PRR11: variants seen among roughly 807,000 people sequenced by gnomAD.
PRR11 encodes proline rich 11, also known as proline-rich protein 11.
In PRR11, 30 loss-of-function variants were observed where a neutral mutation model predicts 45.6. The ratio of observed to expected loss-of-function variants is 0.66; its 90% CI spans 0.49 to 0.89. The LOEUF (loss-of-function observed/expected upper bound fraction) is 0.89, where lower values mean the gene tolerates loss of function less well. PRR11 is among the 40% of genes least tolerant of loss of function. The pLI, the probability that PRR11 is intolerant of heterozygous loss-of-function variation, is 0.00. For synonymous variants in PRR11, 128 were observed against 153.5 expected (o/e 0.83, Z 1.23); for missense variants, 373 against 424.8 (o/e 0.88, Z 1.07).
chr17:59,193,388 C>T, intron 4 of PRR11, 104 bp from the exon 5 acceptor site: 1 of 1,379,788 alleles, frequency 7.2e-7, no homozygotes. Flanking sequence ...ACATGGTACG[C>T]TGAGAAAGCA....
rs866076308 is a variant in PRR11, at chr17:59,165,443, C to T, written c.-5-4305C>T. On this transcript the variant is annotated intron_variant, in intron 1 of 9. Coordinates refer to ENST00000262293, the MANE Select transcript of PRR11 (RefSeq NM_018304.4). ...CCTCAAACTCCTAGGCTCATGTGAT[C>T]CTCCCAGCTCAGCCTCCTGAATAGC... 5.9e-5 allele frequency among the ~76,000 whole-genome samples: 9 copies of T among 152,116 alleles called. 1 individual carries two copies. The South Asian group carries it at 1.9e-3, about 32-fold the overall frequency.
chr17:59,197,521 T>C (rs907304532), intron 7 of PRR11, 23 bp from the exon 8 acceptor site: 3 of 1,608,710 alleles, frequency 1.9e-6, no homozygotes, highest in Admixed American at 3.3e-5. Flanking sequence ...AAAGTTCTAA[T>C]TTTTATATCT....
chr17:59,157,816 T>A (rs1215928912), intron 1 of PRR11, among the ~76,000 whole-genome samples: 1 of 152,116 alleles, frequency 6.6e-6, no homozygotes, highest in Non-Finnish European at 1.5e-5. Flanking sequence ...AACTAATATC[T>A]ATAAGATAAA....
chr17:59,171,091 C>T (rs534536441), intron 2 of PRR11, among the ~76,000 whole-genome samples: 50 of 152,126 alleles, frequency 3.3e-4, no homozygotes, highest in Non-Finnish European at 6.2e-4. Context: ...AACCCCGTCT[C>T]TACTAAAAAT....
intron 9 of PRR11, among the ~76,000 whole-genome samples, chr17:59,200,639 C>T (rs2046887857): frequency 6.6e-6 from 1 of 151,984 alleles, no homozygotes; most frequent in African/African-American, 2.4e-5. Flanking sequence ...ACTACAGGCG[C>T]CCGCCACCAC....
chr17:59,196,997 C>T (rs908815812), intron 7 of PRR11, among the ~76,000 whole-genome samples: 4 of 151,674 alleles, frequency 2.6e-5, no homozygotes, highest in African/African-American at 7.3e-5. Context: ...TACAGGCACC[C>T]GCCACCACGC....
At chr17:59,174,851 GC>G in intron 2 of PRR11, 1 of 1,260,422 alleles carries the variant, frequency 7.9e-7, no homozygotes, top group South Asian at 1.2e-5. Context: ...AAAAACAAAC[GC>G]CCCTTAAGAA....
chr17:59,172,192 C>T (rs2046712649), intron 2 of PRR11, among the ~76,000 whole-genome samples: 1 of 152,178 alleles, frequency 6.6e-6, no homozygotes, highest in Non-Finnish European at 1.5e-5. Flanking sequence ...CCTTCAAATG[C>T]TCTTGGACTG....
chr17:59,201,785 A>G lies in PRR11; in HGVS notation c.*154A>G. Reference sequence around the variant, plus strand: ...CAGGAGTTTGAGACCAGCCTGGCCAACATGGTGAAACTCCTTCCCCACTAA... The same window carrying G: ...CAGGAGTTTGAGACCAGCCTGGCCAGCATGGTGAAACTCCTTCCCCACTAA... On this transcript the variant is annotated 3_prime_UTR_variant, in exon 10 of 10. Coordinates refer to ENST00000262293, the MANE Select transcript of PRR11 (RefSeq NM_018304.4). 4.4e-6 allele frequency: 3 copies of G among 678,140 alleles called. No homozygotes were observed. The South Asian group carries it at 4.9e-5, about 11-fold the overall frequency. The allele number at this position is 678,140 out of a possible 1,614,324, so 42.0% of individuals were successfully genotyped here.
chr17:59,189,205 C>T (rs936653205), intron 4 of PRR11, among the ~76,000 whole-genome samples: 5 of 151,144 alleles, frequency 3.3e-5, no homozygotes, highest in African/African-American at 1.2e-4. Flanking sequence ...GAGGTTGAGG[C>T]AGGAGAATCA....
chr17:59,163,427 T>C (rs2046663655), intron 1 of PRR11, among the ~76,000 whole-genome samples: 1 of 152,218 alleles, frequency 6.6e-6, no homozygotes, highest in Admixed American at 6.5e-5. Context: ...TAACATTTAG[T>C]GCTACTAAGA....
intron 1 of PRR11, among the ~76,000 whole-genome samples, chr17:59,166,903 C>A (rs1016111038): frequency 7.9e-5 from 12 of 152,022 alleles, no homozygotes; most frequent in African/African-American, 2.7e-4. Context: ...GTGGCTTATG[C>A]CTGTAATCCC....
intron 2 of PRR11, among the ~76,000 whole-genome samples, chr17:59,180,508 T>C (rs1468251893): frequency 7.8e-6 from 1 of 127,452 alleles, no homozygotes; most frequent in Non-Finnish European, 1.7e-5. Flanking sequence ...TTTTTTTTTT[T>C]TGTTTTTTTT....
chr17:59,178,442 A>G (rs533728462), intron 2 of PRR11: 149 of 499,644 alleles, frequency 3.0e-4, no homozygotes, highest in Admixed American at 1.8e-3. Flanking sequence ...GCACTGAAGC[A>G]GGAACACGGT....
intron 2 of PRR11, among the ~76,000 whole-genome samples, chr17:59,180,601 G>A (rs1305457654): frequency 6.7e-6 from 1 of 149,596 alleles, no homozygotes. Context: ...TGCCTCCCGG[G>A]TTCTAGAGAT....
chr17:59,197,593 G>C lies in PRR11; in HGVS notation c.907G>C (p.Asp303His). Residue 303 changes from aspartate to histidine, a missense_variant, in exon 8 of 10, where the codon GAT becomes CAT. Transcript: ENST00000262293. ...TCTGCGGAAACTGCTTAGAAAAGTC[G>C]ATGTAGAGAGGTAATACACTCTCAT... is the stretch of plus-strand genomic sequence containing the variant. ...MDLRKLLRKV[D>H]VERSPGGTPL... 1 of 1,613,680 alleles carries C rather than the reference G, an allele frequency of 6.2e-7. No individual in the cohort carries two copies. Among genetic ancestry groups the C allele is most frequent in the African/African-American group, 1.3e-5 (1 of 75,014 alleles).
chr17:59,169,545 C>G (rs572573941), intron 1 of PRR11, among the ~76,000 whole-genome samples: 50 of 152,210 alleles, frequency 3.3e-4, no homozygotes, highest in Middle Eastern at 6.8e-3. Flanking sequence ...AAGATCTCTC[C>G]AGAGATAGTT....
chr17:59,185,168 G>A lies in PRR11; in HGVS notation c.243G>A (p.Trp81Ter). 2 of 1,613,868 alleles carry A rather than the reference G, an allele frequency of 1.2e-6. No individual in the cohort carries two copies. Among genetic ancestry groups the A allele is most frequent in the Non-Finnish European group, 1.7e-6 (2 of 1,179,952 alleles). The part of the protein sequence containing the change: ...DAIKLWTNRV[W>*]SIYSWCQNCI... ...TAAAACTTTGGACAAATAGAGTATG[G>A]TCTATATACAGCTGGTGCCAGAACT... The change falls in exon 3 of 10, where the codon TGG becomes TGA. Residue 81 changes from tryptophan to a stop codon, truncating the protein, a stop_gained. Coordinates refer to ENST00000262293, the MANE Select transcript of PRR11 (RefSeq NM_018304.4). LOFTEE classifies it high-confidence loss of function.
intron 2 of PRR11, among the ~76,000 whole-genome samples, chr17:59,180,860 C>T (rs181020800): frequency 1.3e-5 from 2 of 151,252 alleles, no homozygotes; most frequent in Non-Finnish European, 2.9e-5. Context: ...GGAGTGCAGT[C>T]GTGCAGTCAT....
Sources: allele counts gnomAD v4.1 joint callset (sites outside exome capture counted in the v4.1 genomes callset), GRCh38; gene constraint gnomAD v4.1.1; transcripts MANE v1.5; gene names NCBI Gene and HGNC (gene_info 2026-07-23, HGNC 2026-07-21).